Variants in COL4A2 observed in about 807,000 individuals in gnomAD.
The protein encoded by COL4A2 is collagen alpha-2(IV) chain.
A neutral mutation model predicts 200.2 loss-of-function variants in COL4A2; 99 were observed. The ratio of observed to expected loss-of-function variants is 0.49; its 90% CI spans 0.42 to 0.58. The LOEUF is 0.58. Among genes scored for constraint, COL4A2 ranks in the 20% least tolerant of loss-of-function variants. The pLI, the probability that COL4A2 is intolerant of heterozygous loss-of-function variation, is 0.00. For synonymous variants in COL4A2, 897 were observed against 900.6 expected (o/e 1.00, Z 0.07); for missense variants, 1,950 against 2,314.1 (o/e 0.84, Z 3.23).
At chr13:110,492,527 C>T (rs1381272593) in intron 38 of COL4A2, among the ~76,000 whole-genome samples, 2 of 152,142 alleles carry the variant, frequency 1.3e-5, no homozygotes, top group Non-Finnish European at 2.9e-5. Context: ...CTGTGCTGCA[C>T]GGGCCACCCC....
intron 4 of COL4A2, among the ~76,000 whole-genome samples, chr13:110,414,897 C>T (rs146696559): frequency 1.6e-3 from 248 of 152,276 alleles, no homozygotes; most frequent in Middle Eastern, 6.8e-3. Flanking sequence ...ACTTTGGAGC[C>T]GTGTTTCTCT....
chr13:110,371,277 C>G (rs1272842481), intron 4 of COL4A2, among the ~76,000 whole-genome samples: 1 of 152,176 alleles, frequency 6.6e-6, no homozygotes, highest in Non-Finnish European at 1.5e-5. Context: ...AATTAAGATA[C>G]TTATGATACA....
chr13:110,347,782 C>T (rs1442814216), intron 3 of COL4A2, among the ~76,000 whole-genome samples: 1 of 152,224 alleles, frequency 6.6e-6, no homozygotes, highest in African/African-American at 2.4e-5. Context: ...TGGAAAACAC[C>T]CAGACATTGA....
At chr13:110,506,339 C>T (rs1456559083) in intron 45 of COL4A2, 76 bp from the exon 46 acceptor site, 2 of 1,446,662 alleles carry the variant, frequency 1.4e-6, no homozygotes, top group Non-Finnish European at 1.9e-6. Flanking sequence ...GTAGGTGCAC[C>T]AGGCCGTCCA....
chr13:110,324,844 T>A (rs138683232), intron 3 of COL4A2, among the ~76,000 whole-genome samples: 204 of 152,356 alleles, frequency 1.3e-3, no homozygotes, highest in African/African-American at 4.6e-3. Context: ...AGGACCACCC[T>A]ACGCTTGCCT....
At chr13:110,442,369 G>A (rs1279409299) in intron 16 of COL4A2, among the ~76,000 whole-genome samples, 1 of 152,220 alleles carries the variant, frequency 6.6e-6, no homozygotes, top group Non-Finnish European at 1.5e-5. Flanking sequence ...ATACACAAAT[G>A]ACGCAGCCGC....
chr13:110,391,741 T>C (rs888903813), intron 4 of COL4A2, among the ~76,000 whole-genome samples: 2 of 152,210 alleles, frequency 1.3e-5, no homozygotes, highest in African/African-American at 4.8e-5. Flanking sequence ...AAGTAATCTT[T>C]AGTATCTAGT....
rs989684881 is a variant in COL4A2 at position 110,465,910 on chromosome 13, G to A, written c.1979-93G>A. On this transcript the variant is annotated intron_variant, in intron 25 of 47. Transcript: ENST00000360467. ...TCCTGCCCCCACCAGCAACATATACGACACACCTTCACACACGTGCACGCC... is the reference window on the plus strand; with the variant it reads ...TCCTGCCCCCACCAGCAACATATACAACACACCTTCACACACGTGCACGCC... 43 of 1,461,190 alleles carry A rather than the reference G, an allele frequency of 2.9e-5. No individual in the cohort carries two copies. In the Admixed American group the frequency reaches 6.8e-4, roughly 23 times the overall value. 90.5% of individuals were successfully genotyped at this position (1,461,190 alleles called of 1,614,324 possible). A position where few individuals can be genotyped will look rare whatever the true frequency, so the allele number is the denominator to read the frequency against.
intron 46 of COL4A2, among the ~76,000 whole-genome samples, chr13:110,506,825 G>A (rs978855845): frequency 1.3e-5 from 2 of 152,194 alleles, no homozygotes; most frequent in African/African-American, 4.8e-5. Context: ...ACAGGGACCT[G>A]CCTTTTAACC....
intron 4 of COL4A2, among the ~76,000 whole-genome samples, chr13:110,403,509 G>A (rs61963204): frequency 0.11 from 16,175 of 152,132 alleles, 1,292 homozygotes; most frequent in East Asian, 0.37. Context: ...TCTCATTTCT[G>A]TCTGAGACCT....
At chr13:110,316,631 C>G (rs1173531312) in intron 3 of COL4A2, among the ~76,000 whole-genome samples, 1 of 152,108 alleles carries the variant, frequency 6.6e-6, no homozygotes, top group African/African-American at 2.4e-5. Context: ...GCTAAAACAC[C>G]CTGCGAAGAA....
Position 110,434,154 on chromosome 13 carries a change from C to A in COL4A2, c.685-247C>A, listed in dbSNP as rs555776397. On this transcript the variant is annotated intron_variant, in intron 11 of 47. Transcript: ENST00000360467. ...ACAGTCTGCAGAGACCATATACTCA[C>A]GATCGAGGGCCAGCACCACCTGGGG... Among the ~76,000 whole-genome samples, 104 of 152,226 alleles carry A rather than the reference C, an allele frequency of 6.8e-4. 1 individual carries two copies. The South Asian group carries it at 0.021, about 30-fold the overall frequency.
chr13:110,507,859 C>T, intron 46 of COL4A2, 76 bp from the exon 47 acceptor site: 1 of 1,502,510 alleles, frequency 6.7e-7, no homozygotes, highest in Admixed American at 1.7e-5. Flanking sequence ...CACACAGCCT[C>T]CTGGGCCTGG....
chr13:110,478,026 C>G lies in COL4A2; in HGVS notation c.2449C>G (p.Pro817Ala). 1 of 1,578,704 alleles carries G rather than the reference C, an allele frequency of 6.3e-7. No individual in the cohort carries two copies. Among genetic ancestry groups the G allele is most frequent in the Non-Finnish European group, 8.6e-7 (1 of 1,159,134 alleles). Residue 817 changes from proline (P) to alanine (A), a missense_variant, in exon 30 of 48, where the codon CCA becomes GCA. Transcript: ENST00000360467. ...FRGSQGMPGM[P>A]GLKGQPGLPG... is the part of the protein sequence containing the mutation. ...AGGAAGCCAAGGGATGCCTGGGATG[C>G]CAGGGCTGAAGGGCCAGCCAGGCCT...
intron 4 of COL4A2, among the ~76,000 whole-genome samples, chr13:110,359,437 A>T (rs1284737228): frequency 6.6e-6 from 1 of 152,188 alleles, no homozygotes; most frequent in African/African-American, 2.4e-5. Flanking sequence ...CCCTGGACTC[A>T]TGTATCTACC....
chr13:110,469,316 G>A lies in COL4A2; in HGVS notation c.2195G>A (p.Gly732Glu). The change falls in exon 28 of 48, where the codon GGA becomes GAA. Residue 732 changes from glycine to glutamate, a missense_variant. Gly to Glu is a moderately conservative substitution (Grantham distance 98). Transcript: ENST00000360467. ...GACGCAGGTCGTGAAGGGTTCCCAG[G>A]ACCCCCAGGTGAGTTGAGATCAGAC... ...PGDAGREGFP[G>E]PPGFIGPRGS... The A allele has an allele frequency of 6.3e-7, 1 of 1,581,978 alleles. No homozygotes were observed. Among genetic ancestry groups the A allele is most frequent in the Non-Finnish European group, 8.6e-7 (1 of 1,163,780 alleles).
At chr13:110,449,394 G>T (rs1029929253) in intron 18 of COL4A2, among the ~76,000 whole-genome samples, 1 of 152,104 alleles carries the variant, frequency 6.6e-6, no homozygotes, top group Non-Finnish European at 1.5e-5. Context: ...AGGCCTCCTC[G>T]CTCCCAGGCC....
intron 24 of COL4A2, chr13:110,462,881 C>T (rs189013305): frequency 4.5e-3 from 715 of 157,212 alleles, no homozygotes; most frequent in Non-Finnish European, 6.5e-3. Context: ...GTGCACCCTC[C>T]AGCCTCTGAG....
chr13:110,505,842 G>A lies in COL4A2; in HGVS notation c.4403-573G>A, dbSNP rs146683400. Among the ~76,000 whole-genome samples, 107 of 152,232 alleles carry A rather than the reference G, an allele frequency of 7.0e-4. No individual in the cohort carries two copies. In the East Asian group the frequency reaches 0.017, roughly 25 times the overall value. On this transcript the variant is annotated intron_variant, in intron 45 of 47. Coordinates refer to ENST00000360467, the MANE Select transcript of COL4A2 (RefSeq NM_001846.4). Reference sequence around the variant, plus strand: ...GGGGGCTGGCCTGCGATACTCCTCCGGACACTTCCAACGCCAGGCACGTTG... The same window carrying A: ...GGGGGCTGGCCTGCGATACTCCTCCAGACACTTCCAACGCCAGGCACGTTG...
Sources: allele counts gnomAD v4.1 joint callset (sites outside exome capture counted in the v4.1 genomes callset), GRCh38; gene constraint gnomAD v4.1.1; transcripts MANE v1.5; gene names NCBI Gene and HGNC (gene_info 2026-07-23, HGNC 2026-07-21).